ZFPM1: variants seen among roughly 807,000 people sequenced by gnomAD.
ZFPM1 encodes zinc finger protein ZFPM1.
ZFPM1 carries 28 observed loss-of-function variants against 46.3 expected under a neutral mutation model. The observed-to-expected ratio is 0.60, with a 90% CI of 0.45 to 0.83. ZFPM1 has a LOEUF of 0.83. ZFPM1 is among the 40% of genes least tolerant of loss of function. The pLI is 0.00. For synonymous variants in ZFPM1, 957 were observed against 675.9 expected (o/e 1.42, Z -6.45); for missense variants, 1,878 against 1,432.4 (o/e 1.31, Z -5.02).
intron 3 of ZFPM1, among the ~76,000 whole-genome samples, chr16:88,509,750 A>G (rs539569469): frequency 6.6e-6 from 1 of 152,242 alleles, no homozygotes; most frequent in African/African-American, 2.4e-5. Context: ...TCTGTCAGAG[A>G]GCAGCTTCAG....
chr16:88,458,575 A>G (rs1371871524), intron 1 of ZFPM1, among the ~76,000 whole-genome samples: 1 of 152,172 alleles, frequency 6.6e-6, no homozygotes, highest in Non-Finnish European at 1.5e-5. Context: ...GGGCTTGTGA[A>G]TAATACTCCC....
chr16:88,458,722 G>A (rs1004553528), intron 1 of ZFPM1, among the ~76,000 whole-genome samples: 1 of 152,152 alleles, frequency 6.6e-6, no homozygotes, highest in African/African-American at 2.4e-5. Context: ...CACCATACCC[G>A]TGGGTATTCC....
At position 88,533,764 on chromosome 16, in the gene ZFPM1, C is replaced by G. The variant is rs775446045; in HGVS notation, c.1806C>G (p.Gly602=). 169 of 1,432,836 alleles carry G rather than the reference C, an allele frequency of 1.2e-4. No individual in the cohort carries two copies. Among genetic ancestry groups the G allele is most frequent in the Non-Finnish European group, 1.5e-4 (166 of 1,084,700 alleles). 88.8% of individuals were successfully genotyped at this position (1,432,836 alleles called of 1,614,324 possible). ...YYVHKRLYCS[G]RRAPEDAPAA... Reference sequence around the variant, plus strand: ...TGCACAAGCGCCTCTACTGTTCAGGCCGCCGTGCGCCCGAGGACGCGCCTG... The same window carrying G: ...TGCACAAGCGCCTCTACTGTTCAGGGCGCCGTGCGCCCGAGGACGCGCCTG... Residue 602 remains glycine, a synonymous_variant, in exon 10 of 10, where the codon GGC becomes GGG. Coordinates refer to ENST00000319555, the MANE Select transcript of ZFPM1 (RefSeq NM_153813.3).
chr16:88,453,723 C>A, intron 1 of ZFPM1, 45 bp downstream of exon 1: 2 of 1,141,242 alleles, frequency 1.8e-6, no homozygotes, highest in Non-Finnish European at 2.2e-6. Context: ...GCCCGACCCC[C>A]GCCGGAGCCC....
chr16:88,490,086 C>G (rs1175076580), intron 3 of ZFPM1, among the ~76,000 whole-genome samples: 1 of 151,328 alleles, frequency 6.6e-6, no homozygotes, highest in Non-Finnish European at 1.5e-5. Flanking sequence ...TGGAGTCTCA[C>G]TCTGTCGCCC....
intron 3 of ZFPM1, among the ~76,000 whole-genome samples, chr16:88,505,105 C>A (rs527482769): frequency 3.3e-4 from 50 of 152,360 alleles, no homozygotes; most frequent in African/African-American, 1.2e-3. Context: ...CAGGCACCAG[C>A]TGGCGGGTGG....
intron 3 of ZFPM1, among the ~76,000 whole-genome samples, chr16:88,511,281 C>T (rs567795624): frequency 4.6e-5 from 7 of 152,144 alleles, no homozygotes; most frequent in South Asian, 2.1e-4. Context: ...GGTTTTGTGG[C>T]GGGACAAGCA....
chr16:88,524,901 T>G (rs2142467805), intron 4 of ZFPM1, among the ~76,000 whole-genome samples: 1 of 152,168 alleles, frequency 6.6e-6, no homozygotes, highest in African/African-American at 2.4e-5. Flanking sequence ...GGGGACGGCT[T>G]CACACTGGGA....
rs1913006965 is a variant in ZFPM1, at chr16:88,533,736, A to G, written c.1778A>G (p.Tyr593Cys). Reference protein sequence around the residue: ...EITFSNVNNYYVHKRLYCSGR... With the variant: ...EITFSNVNNYCVHKRLYCSGR... ...ACCTTCAGCAACGTCAACAACTACT[A>G]CGTGCACAAGCGCCTCTACTGTTCA... The change falls in exon 10 of 10, where the codon TAC (tyrosine) becomes TGC (cysteine). Residue 593 changes from tyrosine to cysteine, a missense_variant. By Grantham distance (194) the Tyr-to-Cys change is radical. Transcript: ENST00000319555. 6.9e-7 allele frequency: 1 copy of G among 1,445,332 alleles called. No homozygotes were observed. 89.5% of individuals were successfully genotyped at this position (1,445,332 alleles called of 1,614,324 possible).
chr16:88,533,183 C>T lies in ZFPM1; in HGVS notation c.1225C>T (p.Leu409=), dbSNP rs1490921827. ...LGSFQQQHTA[L]QGPLASADLG... ...CAGCTTCCAGCAGCAGCACACGGCC[C>T]TGCAAGGCCCCCTGGCCTCCGCGGA... is the stretch of plus-strand genomic sequence containing the variant. Residue 409 remains leucine (L), a synonymous_variant, in exon 10 of 10, where the codon CTG becomes TTG. Transcript: ENST00000319555. 3 of 1,528,830 alleles carry T rather than the reference C, an allele frequency of 2.0e-6. No homozygotes were observed. The highest frequency in any genetic ancestry group is 2.6e-6 in the Non-Finnish European group (3 of 1,147,266). 94.7% of individuals were successfully genotyped at this position (1,528,830 alleles called of 1,614,324 possible). A position where few individuals can be genotyped will look rare whatever the true frequency, so the allele number is the denominator to read the frequency against.
chr16:88,519,924 T>C (rs138061378), intron 4 of ZFPM1, among the ~76,000 whole-genome samples: 4 of 146,078 alleles, frequency 2.7e-5, no homozygotes, highest in Admixed American at 1.4e-4. Context: ...GGTAGATGGA[T>C]AGATGGATGA....
chr16:88,467,770 T>G (rs2142349894), intron 1 of ZFPM1, among the ~76,000 whole-genome samples: 1 of 152,074 alleles, frequency 6.6e-6, no homozygotes. Context: ...CACCCCCTAG[T>G]TCCATGGCTT....
At chr16:88,486,080 C>A in intron 2 of ZFPM1, 37 bp downstream of exon 2, 1 of 1,580,512 alleles carries the variant, frequency 6.3e-7, no homozygotes. Flanking sequence ...CGCCTCCAGC[C>A]GGGGCCTCCA....
intron 1 of ZFPM1, 149 bp downstream of exon 1, chr16:88,453,827 C>A (rs1480912847): frequency 6.9e-6 from 3 of 432,014 alleles, no homozygotes; most frequent in African/African-American, 4.3e-5. Context: ...CCAAGCGCGC[C>A]GTAATCTAAT....
chr16:88,486,161 C>G, intron 2 of ZFPM1, 118 bp downstream of exon 2: 1 of 1,057,652 alleles, frequency 9.5e-7, no homozygotes, highest in Admixed American at 2.2e-5. Context: ...ATGCAGGAGT[C>G]CAGGACAGGC....
chr16:88,478,618 G>A (rs1392346420), intron 1 of ZFPM1, among the ~76,000 whole-genome samples: 1 of 152,268 alleles, frequency 6.6e-6, no homozygotes, highest in Admixed American at 6.5e-5. Context: ...GTGAACCAGT[G>A]TGACCTACAA....
intron 1 of ZFPM1, among the ~76,000 whole-genome samples, chr16:88,459,090 G>A (rs1034420264): frequency 1.3e-5 from 2 of 152,204 alleles, no homozygotes; most frequent in Non-Finnish European, 2.9e-5. Context: ...GACTTGGGTG[G>A]CTCCTCTGTG....
At chr16:88,531,977 A>C (rs1597288796) in intron 6 of ZFPM1, 25 bp from the exon 7 acceptor site, 1 of 1,572,980 alleles carries the variant, frequency 6.4e-7, no homozygotes, top group African/African-American at 1.3e-5. Flanking sequence ...CTTCAGCCTG[A>C]CCCCGCCTGC....
chr16:88,522,385 G>C (rs1387645842), intron 4 of ZFPM1, among the ~76,000 whole-genome samples: 1 of 152,180 alleles, frequency 6.6e-6, no homozygotes, highest in East Asian at 1.9e-4. Context: ...CTCAGCCTCA[G>C]CTCCCACCCT....
Sources: gnomAD v4.1 joint callset for allele counts (sites outside exome capture counted in the v4.1 genomes callset) on GRCh38, gnomAD v4.1.1 for gene constraint, MANE v1.5 for transcripts, NCBI Gene and HGNC (gene_info 2026-07-23, HGNC 2026-07-21) for gene names.